The following KCNN2 variants were observed in gnomAD, a reference collection of about 807,000 sequenced individuals.
KCNN2 encodes the protein small conductance calcium-activated potassium channel protein 2.
KCNN2 carries 24 observed loss-of-function variants against 55.5 expected under a neutral mutation model. The ratio of observed to expected loss-of-function variants is 0.43; its 90% CI spans 0.31 to 0.61. The LOEUF is 0.61. KCNN2 is among the 20% of genes least tolerant of loss of function. KCNN2 has a pLI of 0.08. For synonymous variants in KCNN2, 431 were observed against 336.1 expected (o/e 1.28, Z -3.09); for missense variants, 754 against 853.6 (o/e 0.88, Z 1.45).
intron 3 of KCNN2, among the ~76,000 whole-genome samples, chr5:114,434,230 AT>A (rs149159021): frequency 6.6e-6 from 1 of 150,496 alleles, no homozygotes; most frequent in Admixed American, 6.6e-5. Flanking sequence ...AAGCTCAGAG[AT>A]TTTTTTTTCC....
intron 1 of KCNN2, among the ~76,000 whole-genome samples, chr5:114,108,654 A>T (rs889961782): frequency 2.6e-5 from 4 of 152,070 alleles, no homozygotes; most frequent in African/African-American, 9.7e-5. Flanking sequence ...CTTTGTCTCA[A>T]CATAATATCT....
intron 1 of KCNN2, among the ~76,000 whole-genome samples, chr5:114,158,129 G>A (rs1195370076): frequency 6.6e-6 from 1 of 151,948 alleles, no homozygotes; most frequent in Non-Finnish European, 1.5e-5. Context: ...GGGTTTTTAT[G>A]GTTTTAGGTC....
chr5:114,220,889 AGTTCCAACATATT>A (rs915433585), intron 1 of KCNN2, among the ~76,000 whole-genome samples: 9 of 152,156 alleles, frequency 5.9e-5, no homozygotes, highest in Admixed American at 6.6e-5. Flanking sequence ...TAGGTCGAAA[AGTTCCAACATATT>A]CCTGGTATAT....
chr5:114,331,213 A>T (rs537612326), intron 2 of KCNN2, among the ~76,000 whole-genome samples: 85 of 152,352 alleles, frequency 5.6e-4, no homozygotes, highest in African/African-American at 1.8e-3. Context: ...GAAGAAAATG[A>T]AAAATGAATG....
chr5:114,233,817 TA>T (rs1193958528), intron 2 of KCNN2, among the ~76,000 whole-genome samples: 1 of 152,168 alleles, frequency 6.6e-6, no homozygotes, highest in African/African-American at 2.4e-5. Flanking sequence ...TTCTTATCTT[TA>T]AGAAAACTAC....
intron 2 of KCNN2, among the ~76,000 whole-genome samples, chr5:114,397,839 A>G (rs568237854): frequency 2.0e-5 from 3 of 152,322 alleles, no homozygotes; most frequent in South Asian, 2.1e-4. Context: ...TTATTTTTGA[A>G]TAAAGTCTGT....
rs201132378 is a variant in KCNN2, at chr5:114,267,246, C to T, written c.-185+45681C>T. Among the ~76,000 whole-genome samples the T allele has an allele frequency of 1.2e-4, 19 of 152,280 alleles. No homozygotes were observed. In the East Asian group the frequency reaches 3.3e-3, roughly 26 times the overall value. On this transcript the variant is annotated intron_variant, in intron 2 of 10. Coordinates refer to the KCNN2 transcript ENST00000512097. ...TTGACCTCGTGATCCACCCACCCCT[C>T]GGCCTCCCAAAGTGTTGGGATTACA... is the stretch of plus-strand genomic sequence containing the variant.
At chr5:114,470,056 G>T (rs2150121818) in intron 4 of KCNN2, among the ~76,000 whole-genome samples, 1 of 152,258 alleles carries the variant, frequency 6.6e-6, no homozygotes, top group Non-Finnish European at 1.5e-5. Flanking sequence ...TTTCCACTTT[G>T]CAACAGAGGT....
intron 2 of KCNN2, among the ~76,000 whole-genome samples, chr5:114,223,650 G>A (rs4460131): frequency 0.82 from 124,200 of 152,122 alleles, 50,837 homozygotes; most frequent in East Asian, 0.9. Flanking sequence ...GCCAGGAATT[G>A]ACAACCTGAA....
At chr5:114,255,211 G>A (rs889857424) in intron 2 of KCNN2, among the ~76,000 whole-genome samples, 2 of 152,154 alleles carry the variant, frequency 1.3e-5, no homozygotes, top group East Asian at 1.9e-4. Flanking sequence ...TATCACCCGA[G>A]ACAGAGAGAC....
At chr5:114,081,120 G>A (rs1414727809) in intron 1 of KCNN2, among the ~76,000 whole-genome samples, 2 of 152,082 alleles carry the variant, frequency 1.3e-5, no homozygotes, top group Admixed American at 1.3e-4. Flanking sequence ...CCTATACAAT[G>A]AAAGTTACAA....
intron 2 of KCNN2, among the ~76,000 whole-genome samples, chr5:114,306,850 A>G (rs922131519): frequency 7.0e-4 from 106 of 151,852 alleles, no homozygotes; most frequent in African/African-American, 2.6e-3. Context: ...ACAGGCACAC[A>G]CCATCATTCC....
intron 1 of KCNN2, among the ~76,000 whole-genome samples, chr5:114,094,426 G>C (rs1230878718): frequency 6.6e-6 from 1 of 152,176 alleles, no homozygotes; most frequent in Non-Finnish European, 1.5e-5. Context: ...TGTCTAGTCA[G>C]GGTAGAAGAA....
At chr5:114,143,076 C>T (rs372793353) in intron 1 of KCNN2, among the ~76,000 whole-genome samples, 18 of 151,978 alleles carry the variant, frequency 1.2e-4, no homozygotes, top group Non-Finnish European at 2.1e-4. Context: ...CCAGGGGGGT[C>T]ACCGCCTTCT....
In KCNN2 at chr5:114,496,268, A is replaced by C; in HGVS notation, c.*86A>C. 7.1e-7 allele frequency: 1 copy of C among 1,404,142 alleles called. No homozygotes were observed. Among genetic ancestry groups the C allele is most frequent in the Non-Finnish European group, 9.7e-7 (1 of 1,030,950 alleles). 87.0% of individuals were successfully genotyped at this position (1,404,142 alleles called of 1,614,324 possible). ...TTTATTGTAAAGCCCCTATGGTTCT[A>C]ATCAGCGTTATCCGGGTTCTGATGT... is the stretch of plus-strand genomic sequence containing the variant. On this transcript the variant is annotated 3_prime_UTR_variant, in exon 8 of 8. Coordinates refer to ENST00000673685, the MANE Select transcript of KCNN2 (RefSeq NM_021614.4).
chr5:114,484,450 C>T (rs1561413744), intron 5 of KCNN2, among the ~76,000 whole-genome samples: 1 of 152,310 alleles, frequency 6.6e-6, no homozygotes, highest in East Asian at 1.9e-4. Flanking sequence ...ATTGCACTTA[C>T]ACTGCCTAAA....
At chr5:114,248,572 C>A (rs1754793208) in intron 2 of KCNN2, among the ~76,000 whole-genome samples, 1 of 152,008 alleles carries the variant, frequency 6.6e-6, no homozygotes, top group Non-Finnish European at 1.5e-5. Flanking sequence ...GGCTTTATTT[C>A]CTGGCAGTCA....
chr5:114,163,759 G>A (rs1203680003), intron 1 of KCNN2, among the ~76,000 whole-genome samples: 1 of 152,110 alleles, frequency 6.6e-6, no homozygotes, highest in African/African-American at 2.4e-5. Context: ...GCATGGCTTT[G>A]AGACAACCCA....
rs1460649194 is a variant in KCNN2, at chr5:114,118,115, A to AGC, written c.-271+61616_-271+61617dup. Among the ~76,000 whole-genome samples the AGC allele has an allele frequency of 2.6e-5, 4 of 152,314 alleles. No homozygotes were observed. In the East Asian group the frequency reaches 7.8e-4, roughly 30 times the overall value. On this transcript the variant is annotated intron_variant, in intron 1 of 10. Coordinates refer to the KCNN2 transcript ENST00000512097. ...CAACTGTACAGCTACAGAAGTGTAA[A>AGC]GCTGTACAAAGAAGGGTTACCTTTA...
Sources: allele counts gnomAD v4.1 joint callset (sites outside exome capture counted in the v4.1 genomes callset), GRCh38; gene constraint gnomAD v4.1.1; transcripts MANE v1.5; gene names NCBI Gene and HGNC (gene_info 2026-07-23, HGNC 2026-07-21).